Variants in MYO5A observed in about 807,000 individuals in gnomAD.
MYO5A encodes the protein unconventional myosin-Va.
Under a neutral mutation model 249.7 loss-of-function variants are expected in MYO5A, and 98 were observed. The ratio of observed to expected loss-of-function variants is 0.39; its 90% confidence interval spans 0.33 to 0.46. MYO5A has a LOEUF of 0.46. Among genes scored for constraint, MYO5A ranks in the 20% least tolerant of loss-of-function variants. The probability of loss-of-function intolerance (pLI) is 0.98; values close to 1 mark genes in which losing one functional copy is unlikely to be tolerated. For synonymous variants in MYO5A, 778 were observed against 810.6 expected (o/e 0.96, Z 0.68); for missense variants, 1,696 against 2,308.8 (o/e 0.73, Z 5.44).
chr15:52,376,457 G>A lies in MYO5A; in HGVS notation c.2310C>T (p.Cys770=). The A allele has an allele frequency of 1.2e-6, 2 of 1,614,184 alleles. No homozygotes were observed. The highest frequency in any genetic ancestry group is 1.1e-5 in the South Asian group (1 of 91,086). ...CTCGGATGGTCTTCTGGATCCGGAT[G>A]CAGGCAGCTCTCAGTTTGTCAGCTC... ...KLRADKLRAA[C]IRIQKTIRGW... The change falls in exon 19 of 42, where the codon TGC becomes TGT. Residue 770 remains cysteine (C), a synonymous_variant. Transcript: ENST00000399233.
At chr15:52,381,360 A>C (rs2041730195) in intron 16 of MYO5A, among the ~76,000 whole-genome samples, 2 of 152,152 alleles carry the variant, frequency 1.3e-5, no homozygotes. Context: ...GCTCCAGTCT[A>C]AGGCAGAATC....
At chr15:52,447,838 G>C (rs1273203341) in intron 1 of MYO5A, among the ~76,000 whole-genome samples, 1 of 152,198 alleles carries the variant, frequency 6.6e-6, no homozygotes, top group Non-Finnish European at 1.5e-5. Context: ...AGATGATTTA[G>C]AGTATCTGGT....
chr15:52,438,839 C>G (rs1225945658), intron 1 of MYO5A, among the ~76,000 whole-genome samples: 1 of 152,208 alleles, frequency 6.6e-6, no homozygotes, highest in Non-Finnish European at 1.5e-5. Flanking sequence ...TGTTACGGCT[C>G]GAGCTGAGCT....
rs201549953 is a variant in MYO5A at position 52,316,212 on chromosome 15, C to T, written c.5409+836G>A. On this transcript the variant is annotated intron_variant, in intron 40 of 41. Transcript: ENST00000399233. Reference sequence around the variant, plus strand: ...TCATACCACTGCACTCCAACCTGGGCGACACAGCGAGACTCCGTCACAAAA... The same window carrying T: ...TCATACCACTGCACTCCAACCTGGGTGACACAGCGAGACTCCGTCACAAAA... 4.6e-4 allele frequency among the ~76,000 whole-genome samples: 52 copies of T among 113,904 alleles called. 1 individual carries two copies. In the East Asian group the frequency reaches 7.0e-3, roughly 15 times the overall value. The allele number at this position is 113,904 out of a possible 152,430, so 74.7% of individuals were successfully genotyped here.
intron 1 of MYO5A, among the ~76,000 whole-genome samples, chr15:52,455,784 AAC>A (rs1567142436): frequency 3.3e-5 from 5 of 151,890 alleles, no homozygotes; most frequent in African/African-American, 1.2e-4. Flanking sequence ...AAAAAAAAAA[AAC>A]CTCAACAAAG....
At chr15:52,412,090 T>C (rs2043274807) in intron 5 of MYO5A, among the ~76,000 whole-genome samples, 1 of 152,210 alleles carries the variant, frequency 6.6e-6, no homozygotes, top group Non-Finnish European at 1.5e-5. Context: ...CAACACAATA[T>C]ATTCTTCCGA....
At chr15:52,314,541 C>A (rs554889878) in intron 40 of MYO5A, among the ~76,000 whole-genome samples, 2 of 152,292 alleles carry the variant, frequency 1.3e-5, no homozygotes, top group Admixed American at 1.3e-4. Context: ...TCCTGAACAC[C>A]CCCTCTAGCT....
chr15:52,313,796 T>C lies in MYO5A; in HGVS notation c.5543A>G (p.His1848Arg). Residue 1848 changes from histidine to arginine, a missense_variant, in exon 42 of 42, where the codon CAC becomes CGC. Coordinates refer to ENST00000399233, the MANE Select transcript of MYO5A (RefSeq NM_001382347.1). ...GAAAGGAAAGGTGACAGGAAAGATGTGTTTAGCATCCATGAGCAGCTGGGG... is the reference window on the plus strand; with the variant it reads ...GAAAGGAAAGGTGACAGGAAAGATGCGTTTAGCATCCATGAGCAGCTGGGG... Reference protein sequence around the residue: ...DSPQLLMDAKHIFPVTFPFNP... With the variant: ...DSPQLLMDAKRIFPVTFPFNP... 2 of 1,614,142 alleles carry C rather than the reference T, an allele frequency of 1.2e-6. No individual in the cohort carries two copies. Among genetic ancestry groups the C allele is most frequent in the Non-Finnish European group, 1.7e-6 (2 of 1,180,004 alleles).
chr15:52,419,018 A>G (rs190182726), intron 4 of MYO5A, among the ~76,000 whole-genome samples: 30 of 152,330 alleles, frequency 2.0e-4, no homozygotes, highest in Admixed American at 1.6e-3. Context: ...TAATAAACAT[A>G]CTTTCAATTA....
intron 1 of MYO5A, among the ~76,000 whole-genome samples, chr15:52,482,211 T>C (rs928067996): frequency 5.3e-5 from 8 of 152,188 alleles, no homozygotes; most frequent in Non-Finnish European, 1.0e-4. Context: ...ACCATCTCTT[T>C]TCTCCTATAG....
chr15:52,505,889 A>G, intron 1 of MYO5A: 1 of 1,553,342 alleles, frequency 6.4e-7, no homozygotes, highest in South Asian at 1.2e-5. Context: ...ATGGCATTTA[A>G]ATAAAAGCTT....
intron 1 of MYO5A, among the ~76,000 whole-genome samples, chr15:52,440,208 C>T (rs2075756832): frequency 6.6e-6 from 1 of 152,136 alleles, no homozygotes; most frequent in African/African-American, 2.4e-5. Flanking sequence ...CTTGCACCTC[C>T]TTGGGGGTTA....
Position 52,502,984 on chromosome 15 carries a change from T to C in MYO5A, c.27+25796A>G, listed in dbSNP as rs531718178. Reference sequence around the variant, plus strand: ...GTGAGAGCTAAAAAAGTAGGTCTCATGAAGACAAGAGAGTAGACTGGTGGA... The same window carrying C: ...GTGAGAGCTAAAAAAGTAGGTCTCACGAAGACAAGAGAGTAGACTGGTGGA... On this transcript the variant is annotated intron_variant, in intron 1 of 41. Transcript: ENST00000399233. 2.0e-5 allele frequency among the ~76,000 whole-genome samples: 3 copies of C among 152,212 alleles called. No homozygotes were observed. In the East Asian group the frequency reaches 5.8e-4, roughly 29 times the overall value.
intron 4 of MYO5A, 140 bp from the exon 5 acceptor site, chr15:52,416,441 C>G: frequency 1.2e-6 from 1 of 810,622 alleles, no homozygotes; most frequent in South Asian, 1.6e-5. Context: ...ACACCAAGGT[C>G]TCAGGTTCAA....
intron 39 of MYO5A, among the ~76,000 whole-genome samples, chr15:52,318,578 T>C (rs2038141939): frequency 6.6e-6 from 1 of 152,174 alleles, no homozygotes; most frequent in Non-Finnish European, 1.5e-5. Context: ...GGGGATATTT[T>C]AAGAATTAGT....
At chr15:52,430,692 T>A (rs1489565406) in intron 2 of MYO5A, among the ~76,000 whole-genome samples, 1 of 152,188 alleles carries the variant, frequency 6.6e-6, no homozygotes, top group Non-Finnish European at 1.5e-5. Flanking sequence ...TTTTAAAAAA[T>A]ACTAAGGATT....
At chr15:52,432,086 A>C (rs2075552966) in intron 2 of MYO5A, among the ~76,000 whole-genome samples, 1 of 152,198 alleles carries the variant, frequency 6.6e-6, no homozygotes, top group Admixed American at 6.5e-5. Context: ...AGAATAAAAG[A>C]AATACCCATG....
intron 1 of MYO5A, among the ~76,000 whole-genome samples, chr15:52,438,796 A>G (rs1267314500): frequency 6.6e-6 from 1 of 152,148 alleles, no homozygotes; most frequent in African/African-American, 2.4e-5. Flanking sequence ...ACTCTATTAA[A>G]TCTTGCAACT....
intron 1 of MYO5A, among the ~76,000 whole-genome samples, chr15:52,437,424 G>A (rs1408987014): frequency 5.3e-5 from 8 of 151,744 alleles, no homozygotes. Context: ...GTGAAACCCC[G>A]CCTCTACTAA....
Sources: gnomAD v4.1 joint callset for allele counts (sites outside exome capture counted in the v4.1 genomes callset) on GRCh38, gnomAD v4.1.1 for gene constraint, MANE v1.5 for transcripts, NCBI Gene and HGNC (gene_info 2026-07-23, HGNC 2026-07-21) for gene names.